CTNNA1: variants seen among roughly 807,000 people sequenced by gnomAD.
CTNNA1 encodes the protein catenin alpha 1.
A neutral mutation model predicts 98.4 loss-of-function variants in CTNNA1; 37 were observed. That is an observed-to-expected ratio of 0.38 (90% CI 0.29 to 0.49). The LOEUF (loss-of-function observed/expected upper bound fraction) is 0.49. Among genes scored for constraint, CTNNA1 ranks in the 20% least tolerant of loss-of-function variants. The pLI is 0.95. For synonymous variants in CTNNA1, 404 were observed against 413.2 expected (o/e 0.98, Z 0.27); for missense variants, 761 against 1,147.2 (o/e 0.66, Z 4.86).
intron 7 of CTNNA1, among the ~76,000 whole-genome samples, chr5:138,850,918 TCTTTAA>T (rs1478121058): frequency 6.6e-6 from 1 of 152,232 alleles, no homozygotes; most frequent in African/African-American, 2.4e-5. Context: ...TAATATTAGA[TCTTTAA>T]CTTTAGCCAT....
At chr5:138,788,502 G>C (rs912733010) in intron 3 of CTNNA1, among the ~76,000 whole-genome samples, 2 of 152,054 alleles carry the variant, frequency 1.3e-5, no homozygotes. Context: ...AGGGTATTCA[G>C]AGTTGTACAG....
intron 10 of CTNNA1, among the ~76,000 whole-genome samples, chr5:138,906,073 A>G (rs1168984996): frequency 6.6e-6 from 1 of 152,116 alleles, no homozygotes; most frequent in Non-Finnish European, 1.5e-5. Flanking sequence ...CAAAATAAGT[A>G]AAGCCTCTCT....
chr5:138,808,188 C>T (rs1228039472), intron 3 of CTNNA1, among the ~76,000 whole-genome samples: 2 of 152,128 alleles, frequency 1.3e-5, no homozygotes, highest in Non-Finnish European at 2.9e-5. Flanking sequence ...TTTTTGGGTG[C>T]ATTGTAATAC....
intron 7 of CTNNA1, among the ~76,000 whole-genome samples, chr5:138,832,684 C>G (rs926521273): frequency 6.6e-6 from 1 of 152,058 alleles, no homozygotes; most frequent in African/African-American, 2.4e-5. Context: ...TTTTCTTCTT[C>G]TATGCAGAGC....
intron 6 of CTNNA1, 117 bp from the exon 7 acceptor site, chr5:138,827,398 C>A (rs1760829986): frequency 8.6e-7 from 1 of 1,162,960 alleles, no homozygotes; most frequent in African/African-American, 1.5e-5. Context: ...GTATAACTTT[C>A]TTTCAGATGT....
chr5:138,855,872 G>A (rs1373446931), intron 7 of CTNNA1, among the ~76,000 whole-genome samples: 1 of 152,178 alleles, frequency 6.6e-6, no homozygotes, highest in Non-Finnish European at 1.5e-5. Flanking sequence ...TAATGAAAAT[G>A]TGAAAAGAAA....
At chr5:138,816,033 A>C (rs1759398054) in intron 5 of CTNNA1, among the ~76,000 whole-genome samples, 1 of 152,172 alleles carries the variant, frequency 6.6e-6, no homozygotes, top group Non-Finnish European at 1.5e-5. Context: ...ATTTAACTGT[A>C]TATTTGTATC....
At chr5:138,861,350 A>G (rs931472490) in intron 7 of CTNNA1, among the ~76,000 whole-genome samples, 4 of 152,174 alleles carry the variant, frequency 2.6e-5, no homozygotes, top group African/African-American at 9.7e-5. Context: ...TGTGGGCCAC[A>G]TGGGCGATCC....
At chr5:138,918,881 T>A (rs1278865675) in intron 11 of CTNNA1, among the ~76,000 whole-genome samples, 1 of 152,158 alleles carries the variant, frequency 6.6e-6, no homozygotes, top group Non-Finnish European at 1.5e-5. Context: ...GCAGTAGGGC[T>A]TGAAACAGAA....
chr5:138,789,193 C>T (rs3827598), intron 3 of CTNNA1, among the ~76,000 whole-genome samples: 1 of 152,088 alleles, frequency 6.6e-6, no homozygotes, highest in East Asian at 1.9e-4. Flanking sequence ...GTTTTTCCCC[C>T]CCCCCAGAGC....
At chr5:138,901,239 C>T (rs1050425942) in intron 9 of CTNNA1, among the ~76,000 whole-genome samples, 6 of 151,910 alleles carry the variant, frequency 3.9e-5, no homozygotes, top group African/African-American at 7.3e-5. Context: ...CTCACTTCAA[C>T]CTCCACCTCC....
At chr5:138,921,765 T>G (rs1185875302) in intron 11 of CTNNA1, among the ~76,000 whole-genome samples, 1 of 151,816 alleles carries the variant, frequency 6.6e-6, no homozygotes, top group Non-Finnish European at 1.5e-5. Flanking sequence ...CACACCCACC[T>G]AATTTCTGTA....
At chr5:138,773,416 A>AT (rs1199746586) in intron 1 of CTNNA1, among the ~76,000 whole-genome samples, 1 of 152,230 alleles carries the variant, frequency 6.6e-6, no homozygotes, top group African/African-American at 2.4e-5. Context: ...GGGAACACAG[A>AT]TGAGGCAGTG....
Position 138,874,412 on chromosome 5 carries a change from T to C in CTNNA1, c.1063-11800T>C, listed in dbSNP as rs1262823170. Reference sequence around the variant, plus strand: ...GGCGTTTGGCACTGAGTGGAAGCCCTGAGAGTCGCAGTAGAAGAGCAGCTT... The same window carrying C: ...GGCGTTTGGCACTGAGTGGAAGCCCCGAGAGTCGCAGTAGAAGAGCAGCTT... On this transcript the variant is annotated intron_variant, in intron 7 of 17. Transcript: ENST00000302763. This position sits in a 1 kb window ranked among gnomAD's most constrained non-coding sequence, Gnocchi z 4.1. 2 of 1,613,806 alleles carry C rather than the reference T, an allele frequency of 1.2e-6. No homozygotes were observed. Among genetic ancestry groups the C allele is most frequent in the African/African-American group, 2.7e-5 (2 of 74,920 alleles).
At chr5:138,925,497 C>A in intron 13 of CTNNA1, 90 bp downstream of exon 13, 1 of 1,478,878 alleles carries the variant, frequency 6.8e-7, no homozygotes, top group Non-Finnish European at 9.1e-7. Flanking sequence ...TCGGCAGATG[C>A]GGTGGCAGTA....
intron 9 of CTNNA1, among the ~76,000 whole-genome samples, chr5:138,901,953 T>G (rs1758134857): frequency 6.6e-6 from 1 of 152,196 alleles, no homozygotes; most frequent in South Asian, 2.1e-4. Flanking sequence ...GGGGGGTGAA[T>G]TGAAGCTCAT....
At chr5:138,778,705 T>G (rs558646615) in intron 1 of CTNNA1, among the ~76,000 whole-genome samples, 22 of 152,338 alleles carry the variant, frequency 1.4e-4, no homozygotes, top group Admixed American at 6.5e-4. Flanking sequence ...AATACATTGT[T>G]CTTTCTACAT....
At chr5:138,849,986 TA>T (rs954689963) in intron 7 of CTNNA1, among the ~76,000 whole-genome samples, 10 of 150,286 alleles carry the variant, frequency 6.7e-5, no homozygotes, top group African/African-American at 2.0e-4. Flanking sequence ...GTAGATACAA[TA>T]AAACACACAC....
At chr5:138,758,077 G>A (rs181576692) in intron 1 of CTNNA1, among the ~76,000 whole-genome samples, 72 of 152,174 alleles carry the variant, frequency 4.7e-4, no homozygotes, top group Admixed American at 7.9e-4. Context: ...CGTGATGTCG[G>A]CTCACTGCAA....
Sources: gnomAD v4.1 joint callset for allele counts (sites outside exome capture counted in the v4.1 genomes callset) on GRCh38, gnomAD v4.1.1 for gene constraint, Gnocchi (gnomAD v3.1) non-coding constraint, MANE v1.5 for transcripts, NCBI Gene and HGNC (gene_info 2026-07-23, HGNC 2026-07-21) for gene names.